REDIC1: variants seen among roughly 807,000 people sequenced by gnomAD.
REDIC1 encodes the protein HEI10 Interacting Protein 1.
At chr12:39,677,269 A>G in the REDIC1 span, among the ~76,000 whole-genome samples, 1 of 152,134 alleles carries the variant, frequency 6.6e-6, no homozygotes, top group Admixed American at 6.5e-5. Flanking sequence ...TGCAAACAGA[A>G]ACCAAAAGCG....
the REDIC1 span, among the ~76,000 whole-genome samples, chr12:39,653,558 T>TTCTTTTTCTTCTTCTTCTTC: frequency 2.3e-5 from 1 of 43,844 alleles, no homozygotes. Context: ...CTTCTTCTTC[T>TTCTTTTTCTTCTTCTTCTTC]TTCTTCTTCT....
At chr12:39,730,478 A>G in the REDIC1 span, among the ~76,000 whole-genome samples, 2 of 152,180 alleles carry the variant, frequency 1.3e-5, no homozygotes, top group Non-Finnish European at 2.9e-5. Flanking sequence ...AATGTTGAAT[A>G]TTGGCCCCCA....
At chr12:39,740,803 TAA>T in the REDIC1 span, among the ~76,000 whole-genome samples, 2 of 152,160 alleles carry the variant, frequency 1.3e-5, no homozygotes, top group East Asian at 3.9e-4. Context: ...TTCCCAGAAT[TAA>T]GAGGTAATGT....
the REDIC1 span, among the ~76,000 whole-genome samples, chr12:39,700,056 T>C: frequency 6.6e-6 from 1 of 152,206 alleles, no homozygotes; most frequent in East Asian, 1.9e-4. Context: ...AGGAACGCAG[T>C]TCCTCACCAG....
the REDIC1 span, among the ~76,000 whole-genome samples, chr12:39,637,626 A>G: frequency 6.6e-6 from 1 of 152,130 alleles, no homozygotes; most frequent in South Asian, 2.1e-4. Context: ...AATATATTGG[A>G]GAACATTTGC....
the REDIC1 span, among the ~76,000 whole-genome samples, chr12:39,817,622 A>G: frequency 6.6e-6 from 1 of 152,222 alleles, no homozygotes; most frequent in East Asian, 1.9e-4. Flanking sequence ...TATTCACGAA[A>G]AAGTTAGCTG....
At chr12:39,870,012 C>G in the REDIC1 span, among the ~76,000 whole-genome samples, 1 of 152,118 alleles carries the variant, frequency 6.6e-6, no homozygotes, top group Non-Finnish European at 1.5e-5. Flanking sequence ...TCACACTATT[C>G]AAATCCAAAC....
chr12:39,878,991 T>C, the REDIC1 span, among the ~76,000 whole-genome samples: 1,857 of 152,328 alleles, frequency 0.012, 42 homozygotes, highest in African/African-American at 0.042. Context: ...CCCCACATAC[T>C]GGCCTCTCCA....
the REDIC1 span, among the ~76,000 whole-genome samples, chr12:39,662,518 A>G: frequency 7.9e-5 from 3 of 37,816 alleles, no homozygotes; most frequent in Non-Finnish European, 1.7e-4. Context: ...CAAATCTAAG[A>G]GCTTTTTTTT....
the REDIC1 span, among the ~76,000 whole-genome samples, chr12:39,707,756 T>C: frequency 6.6e-6 from 1 of 151,742 alleles, no homozygotes; most frequent in South Asian, 2.1e-4. Flanking sequence ...TTTTAAAAAG[T>C]TTTTTTCTGG....
chr12:39,730,405 C>T, the REDIC1 span, among the ~76,000 whole-genome samples: 1 of 152,078 alleles, frequency 6.6e-6, no homozygotes, highest in Non-Finnish European at 1.5e-5. Flanking sequence ...TTTATTTCTC[C>T]TTCTCTTGTG....
the REDIC1 span, among the ~76,000 whole-genome samples, chr12:39,672,794 C>T: frequency 1.3e-5 from 2 of 152,260 alleles, no homozygotes; most frequent in South Asian, 2.1e-4. Context: ...GTCAGTGGGG[C>T]TCCAGGGATA....
the REDIC1 span, chr12:39,764,867 T>C: frequency 6.2e-7 from 1 of 1,610,092 alleles, no homozygotes; most frequent in South Asian, 1.1e-5. Flanking sequence ...ACCTGAAAAA[T>C]AATGCAATAT....
chr12:39,881,511 A>G, the REDIC1 span, among the ~76,000 whole-genome samples: 1 of 152,258 alleles, frequency 6.6e-6, no homozygotes, highest in East Asian at 1.9e-4. Flanking sequence ...TGTCTCAATT[A>G]TCTGCTTATT....
At chr12:39,830,309 C>CAT in the REDIC1 span, 1 of 1,542,360 alleles carries the variant, frequency 6.5e-7, no homozygotes, top group Non-Finnish European at 8.7e-7. Flanking sequence ...TGCTTCTCTG[C>CAT]ATTTTCCACT....
chr12:39,666,950 T>C, the REDIC1 span, among the ~76,000 whole-genome samples: 5 of 152,222 alleles, frequency 3.3e-5, no homozygotes, highest in Admixed American at 3.3e-4. Flanking sequence ...ATTTGATTCT[T>C]CTCTCTTTTC....
At chr12:39,684,348 T>C in the REDIC1 span, 3 of 773,586 alleles carry the variant, frequency 3.9e-6, no homozygotes, top group Non-Finnish European at 4.7e-6. Context: ...TAATTACAAT[T>C]TAGCCAAATC....
chr12:39,728,176 T>C, the REDIC1 span, among the ~76,000 whole-genome samples: 9 of 152,200 alleles, frequency 5.9e-5, no homozygotes, highest in African/African-American at 1.9e-4. Context: ...CTTCCAATTC[T>C]ATGTTGAATA....
the REDIC1 span, among the ~76,000 whole-genome samples, chr12:39,727,939 A>C: frequency 6.6e-6 from 1 of 152,130 alleles, no homozygotes; most frequent in Non-Finnish European, 1.5e-5. Context: ...TTCACTCATG[A>C]TTTGACTCTC....
Sources: gnomAD v4.1 joint callset for allele counts (sites outside exome capture counted in the v4.1 genomes callset) on GRCh38, gnomAD v4.1.1 for gene constraint, MANE v1.5 for transcripts, NCBI Gene and HGNC (gene_info 2026-07-23, HGNC 2026-07-21) for gene names.